ALG8: variants seen among roughly 807,000 people sequenced by gnomAD.
ALG8 encodes ALG8 alpha-1,3-glucosyltransferase.
In ALG8, 48 loss-of-function variants were observed where a neutral mutation model predicts 70.2. The ratio of observed to expected loss-of-function variants is 0.68; its 90% CI spans 0.54 to 0.87. The LOEUF is 0.87. Ranked by LOEUF, ALG8 falls within the 40% of genes least tolerant of loss-of-function variation. The pLI is 0.00. For synonymous variants in ALG8, 234 were observed against 229.0 expected (o/e 1.02, Z -0.20); for missense variants, 572 against 608.7 (o/e 0.94, Z 0.64).
chr11:78,102,314 T>C (rs1471164872), intron 12 of ALG8, among the ~76,000 whole-genome samples: 1 of 152,230 alleles, frequency 6.6e-6, no homozygotes, highest in African/African-American at 2.4e-5. Context: ...TGGAACGATA[T>C]GATATTTGTT....
chr11:78,107,628 T>A (rs1366514256), intron 9 of ALG8: 1 of 151,416 alleles, frequency 6.6e-6, no homozygotes, highest in African/African-American at 2.5e-5. Flanking sequence ...CACTTGAGGT[T>A]AGGAGTTCAA....
At chr11:78,121,238 CAGAGT>C in intron 3 of ALG8, 64 bp from the exon 4 acceptor site, 1 of 1,121,816 alleles carries the variant, frequency 8.9e-7, no homozygotes, top group Non-Finnish European at 1.4e-6. Flanking sequence ...ATCACTTCTG[CAGAGT>C]AAACTATGAT....
chr11:78,118,369 A>C (rs903089586), intron 5 of ALG8, among the ~76,000 whole-genome samples: 4 of 152,152 alleles, frequency 2.6e-5, no homozygotes, highest in African/African-American at 9.6e-5. Flanking sequence ...TAATCCCAGC[A>C]CTTTGGGAGG....
chr11:78,134,146 T>C (rs1861438426), intron 1 of ALG8, among the ~76,000 whole-genome samples: 1 of 151,654 alleles, frequency 6.6e-6, no homozygotes. Flanking sequence ...CTGGTTTTTT[T>C]TTTTTTTTGA....
intron 3 of ALG8, among the ~76,000 whole-genome samples, chr11:78,123,002 G>A (rs1038743854): frequency 1.3e-5 from 2 of 148,750 alleles, no homozygotes; most frequent in South Asian, 2.2e-4. Flanking sequence ...TCACACCAGC[G>A]AGCTTAAGAG....
At chr11:78,131,669 T>C (rs1365501437) in intron 1 of ALG8, among the ~76,000 whole-genome samples, 1 of 152,182 alleles carries the variant, frequency 6.6e-6, no homozygotes, top group Admixed American at 6.5e-5. Flanking sequence ...TTTCATTATG[T>C]TGCCCAGGCT....
At chr11:78,115,024 A>AT (rs960096695) in intron 5 of ALG8, among the ~76,000 whole-genome samples, 2 of 151,806 alleles carry the variant, frequency 1.3e-5, no homozygotes, top group African/African-American at 4.8e-5. Context: ...ACTTTTTTAA[A>AT]TTTTTATTTT....
At chr11:78,132,673 T>A (rs529343) in intron 1 of ALG8, among the ~76,000 whole-genome samples, 32,898 of 151,596 alleles carry the variant, frequency 0.22, 4,381 homozygotes, top group African/African-American at 0.38. Context: ...TTCAGATAAG[T>A]TCTACACACT....
intron 5 of ALG8, chr11:78,114,720 C>G (rs1187726771): frequency 3.2e-5 from 14 of 442,568 alleles, no homozygotes; most frequent in Non-Finnish European, 5.8e-5. Flanking sequence ...AATCCCAGCA[C>G]TTTGGTAAGC....
intron 2 of ALG8, among the ~76,000 whole-genome samples, chr11:78,125,668 T>C (rs1345128959): frequency 6.6e-6 from 1 of 150,912 alleles, no homozygotes; most frequent in Non-Finnish European, 1.5e-5. Context: ...TCCCAGCTAC[T>C]CAGGAGGCTA....
intron 4 of ALG8, among the ~76,000 whole-genome samples, chr11:78,120,710 C>T (rs1190788801): frequency 6.6e-6 from 1 of 152,234 alleles, no homozygotes; most frequent in Non-Finnish European, 1.5e-5. Context: ...ACCATTCCCA[C>T]ACGCACACTG....
At chr11:78,132,262 CA>C (rs1861338176) in intron 1 of ALG8, among the ~76,000 whole-genome samples, 1 of 152,190 alleles carries the variant, frequency 6.6e-6, no homozygotes, top group Non-Finnish European at 1.5e-5. Context: ...ATTTTCTCTG[CA>C]AATCCTTCCT....
intron 5 of ALG8, among the ~76,000 whole-genome samples, chr11:78,118,766 T>C (rs1357984653): frequency 1.3e-5 from 2 of 151,924 alleles, no homozygotes; most frequent in African/African-American, 4.8e-5. Context: ...AGACCCTGTC[T>C]CTACTAAAAA....
At position 78,124,025 on chromosome 11, in the gene ALG8, G is replaced by T. The variant is rs745537692; in HGVS notation, c.364C>A (p.Arg122Ser). ...AATGACATGCTCCAGACTTACTCAC[G>T]GACAGCATACACAAAGAGTACATCC... ...FMDVLFVYAV[R>S]ECCKCIDGKK... Residue 122 changes from arginine (R) to serine (S), a missense_variant, in exon 3 of 13, where the codon CGT becomes AGT. Arg to Ser is a moderately radical substitution (Grantham distance 110, BLOSUM62 -1). Coordinates refer to ENST00000299626, the MANE Select transcript of ALG8 (RefSeq NM_024079.5). 2 of 1,613,636 alleles carry T rather than the reference G, an allele frequency of 1.2e-6. No homozygotes were observed. Among genetic ancestry groups the T allele is most frequent in the African/African-American group, 2.7e-5 (2 of 74,758 alleles).
At chr11:78,116,988 C>A (rs868099810) in intron 5 of ALG8, among the ~76,000 whole-genome samples, 3 of 152,092 alleles carry the variant, frequency 2.0e-5, no homozygotes, top group Non-Finnish European at 4.4e-5. Flanking sequence ...TTTATTTGTT[C>A]AATAAGCATC....
In ALG8 at chr11:78,127,408, T is replaced by A; in HGVS notation, c.124A>T (p.Asn42Tyr). ...AAACTGTGAGTGATAGCAAGCCAGT[T>A]TCGGTGTACTTCAAAATCTGTGGAA... Reference protein sequence around the residue: ...YHSTDFEVHRNWLAITHSLPI... With the variant: ...YHSTDFEVHRYWLAITHSLPI... The change falls in exon 2 of 13, where the codon AAC becomes TAC. Residue 42 changes from asparagine (N) to tyrosine (Y), a missense_variant. Coordinates refer to ENST00000299626, the MANE Select transcript of ALG8 (RefSeq NM_024079.5). The A allele has an allele frequency of 6.2e-7, 1 of 1,614,030 alleles. No homozygotes were observed. Among genetic ancestry groups the A allele is most frequent in the Non-Finnish European group, 8.5e-7 (1 of 1,179,954 alleles).
At chr11:78,137,584 A>C (rs1036625254) in intron 1 of ALG8, 1 of 152,210 alleles carries the variant, frequency 6.6e-6, no homozygotes, top group Non-Finnish European at 1.5e-5. Context: ...GAACACTTAG[A>C]TGCCACTGTA....
At chr11:78,114,109 G>A in intron 6 of ALG8, 120 bp from the exon 7 acceptor site, 1 of 1,363,902 alleles carries the variant, frequency 7.3e-7, no homozygotes, top group Non-Finnish European at 1.0e-6. Context: ...TCATGATGTG[G>A]CAAGAGCAGA....
intron 1 of ALG8, chr11:78,135,230 CT>C (rs1861489293): frequency 6.6e-6 from 1 of 151,988 alleles, no homozygotes; most frequent in Admixed American, 6.6e-5. Context: ...TAGCACACAC[CT>C]TAAGTCCCAG....
Sources: gnomAD v4.1 joint callset for allele counts (sites outside exome capture counted in the v4.1 genomes callset) on GRCh38, gnomAD v4.1.1 for gene constraint, MANE v1.5 for transcripts, NCBI Gene and HGNC (gene_info 2026-07-23, HGNC 2026-07-21) for gene names.